The following SENP2 variants were observed in gnomAD, a reference collection of about 807,000 sequenced individuals.
The protein encoded by SENP2 is sentrin-specific protease 2.
Under a neutral mutation model 86.3 loss-of-function variants are expected in SENP2, and 16 were observed. The ratio of observed to expected loss-of-function variants is 0.19; its 90% CI spans 0.13 to 0.28. The LOEUF (loss-of-function observed/expected upper bound fraction) is 0.28. Among genes scored for constraint, SENP2 ranks in the 10% least tolerant of loss-of-function variants. SENP2 has a pLI of 1.00. For synonymous variants in SENP2, 222 were observed against 238.7 expected, an observed-to-expected ratio of 0.93 and a Z score of 0.64; for missense variants, 552 against 703.0, an observed-to-expected ratio of 0.79 and a Z score of 2.43.
chr3:185,589,295 T>G (rs1721901554), intron 1 of SENP2, among the ~76,000 whole-genome samples: 1 of 152,184 alleles, frequency 6.6e-6, no homozygotes, highest in Non-Finnish European at 1.5e-5. Flanking sequence ...AACAGTTTTT[T>G]TTAACTCCCT....
intron 2 of SENP2, among the ~76,000 whole-genome samples, chr3:185,590,901 CTTTTTTT>C (rs1158491597): frequency 1.4e-3 from 129 of 94,138 alleles, no homozygotes; most frequent in African/African-American, 5.4e-3. Context: ...AGAAAGTCTC[CTTTTTTT>C]TTTTTTTTTT....
chr3:185,595,263 C>T (rs2148982107), intron 2 of SENP2, among the ~76,000 whole-genome samples: 1 of 152,284 alleles, frequency 6.6e-6, no homozygotes, highest in South Asian at 2.1e-4. Flanking sequence ...CAAGAGGCTT[C>T]TTGTCCTCTA....
chr3:185,617,198 T>TG (rs1159509073), intron 11 of SENP2, among the ~76,000 whole-genome samples: 1 of 152,218 alleles, frequency 6.6e-6, no homozygotes, highest in African/African-American at 2.4e-5. Context: ...GCTGGTGCAG[T>TG]GGCTCATGCC....
At position 185,628,129 on chromosome 3, in the gene SENP2, T is replaced by TTTA. The variant is rs145966423; in HGVS notation, c.1708-1632_1708-1630dup. ...CCACCCCTAGGGAGGACATCACTAGTTTATTATTATTATTATTATTATTTT... is the reference window on the plus strand; with the variant it reads ...CCACCCCTAGGGAGGACATCACTAGTTTATTATTATTATTATTATTATTATTTT... On this transcript the variant is annotated intron_variant, in intron 16 of 16. Transcript: ENST00000296257. Among the ~76,000 whole-genome samples, 347 of 151,788 alleles carry TTTA rather than the reference T, an allele frequency of 2.3e-3. No homozygotes were observed. The East Asian group carries it at 0.025, about 11-fold the overall frequency.
At chr3:185,619,212 C>A in intron 12 of SENP2, 87 bp from the exon 13 acceptor site, 1 of 990,934 alleles carries the variant, frequency 1.0e-6, no homozygotes, top group Non-Finnish European at 1.6e-6. Context: ...AGTACCTTAC[C>A]TTCGAATTCA....
At chr3:185,609,495 G>A in intron 7 of SENP2, 145 bp downstream of exon 7, 2 of 594,592 alleles carry the variant, frequency 3.4e-6, no homozygotes, top group Non-Finnish European at 5.9e-6. Context: ...TATTTATCTA[G>A]TAATGGATAA....
At chr3:185,621,156 CAAAAAAAA>C (rs1206042436) in intron 13 of SENP2, among the ~76,000 whole-genome samples, 7 of 39,022 alleles carry the variant, frequency 1.8e-4, no homozygotes, top group African/African-American at 6.3e-4. Context: ...GATCTTGTCT[CAAAAAAAA>C]AAAAAAAAAA....
At chr3:185,589,074 A>ATT (rs11345567) in intron 1 of SENP2, among the ~76,000 whole-genome samples, 3 of 145,684 alleles carry the variant, frequency 2.1e-5, no homozygotes, top group East Asian at 2.0e-4. Flanking sequence ...CATTCTATTC[A>ATT]TTTTTTTTTT....
intron 10 of SENP2, among the ~76,000 whole-genome samples, chr3:185,613,905 TGCCTCTGTACAGTA>T (rs577757253): frequency 2.0e-3 from 302 of 152,130 alleles, no homozygotes; most frequent in Non-Finnish European, 2.9e-3. Flanking sequence ...GTTGGAGTTT[TGCCTCTGTACAGTA>T]GCCACCTTTG....
chr3:185,590,521 C>G (rs1040535727), intron 2 of SENP2, among the ~76,000 whole-genome samples: 1 of 150,664 alleles, frequency 6.6e-6, no homozygotes, highest in African/African-American at 2.4e-5. Flanking sequence ...GCACTTCAGC[C>G]TGGGGCGACA....
chr3:185,630,151 T>G lies in SENP2; in HGVS notation c.*307T>G, dbSNP rs1712349159. 1 of 276,474 alleles carries G rather than the reference T, an allele frequency of 3.6e-6. No homozygotes were observed. Among genetic ancestry groups the G allele is most frequent in the Admixed American group, 4.4e-5 (1 of 22,494 alleles). The allele number at this position is 276,474 out of a possible 1,614,324, so 17.1% of individuals were successfully genotyped here. On this transcript the variant is annotated 3_prime_UTR_variant, in exon 17 of 17. Coordinates refer to ENST00000296257, the MANE Select transcript of SENP2 (RefSeq NM_021627.3). ...CCTATGAATGTGGGAAATGCAGGAT[T>G]TATTCTGTGAATTGTTTGTTTCTGT...
intron 2 of SENP2, among the ~76,000 whole-genome samples, chr3:185,594,316 T>C (rs1722106141): frequency 6.6e-6 from 1 of 152,172 alleles, no homozygotes; most frequent in Admixed American, 6.6e-5. Context: ...AATGGCAAAT[T>C]GTAGAAGGGA....
At chr3:185,610,597 CAGTATGTTTAACGA>C (rs1475284334) in intron 7 of SENP2, among the ~76,000 whole-genome samples, 2 of 152,198 alleles carry the variant, frequency 1.3e-5, no homozygotes, top group African/African-American at 4.8e-5. Context: ...TTGGAAACAG[CAGTATGTTTAACGA>C]ACTCTTAACT....
intron 14 of SENP2, among the ~76,000 whole-genome samples, chr3:185,623,283 G>A (rs947135113): frequency 6.6e-6 from 1 of 151,962 alleles, no homozygotes; most frequent in African/African-American, 2.4e-5. Flanking sequence ...TGGTATTAAA[G>A]GCTTGTGCCA....
chr3:185,629,877 G>T lies in SENP2; in HGVS notation c.*33G>T. On this transcript the variant is annotated 3_prime_UTR_variant, in exon 17 of 17. Coordinates refer to ENST00000296257, the MANE Select transcript of SENP2 (RefSeq NM_021627.3). The stretch of plus-strand genomic sequence containing the variant: ...TTGCCTGGTCCCTCTAGCTGCTGGT[G>T]GTTCTTTCACAGACATTTCCATATA... 4 of 1,607,412 alleles carry T rather than the reference G, an allele frequency of 2.5e-6. No homozygotes were observed. The highest frequency in any genetic ancestry group is 3.4e-6 in the Non-Finnish European group (4 of 1,174,154).
At chr3:185,601,478 C>T (rs1280819781) in intron 5 of SENP2, among the ~76,000 whole-genome samples, 2 of 152,030 alleles carry the variant, frequency 1.3e-5, no homozygotes, top group African/African-American at 4.8e-5. Context: ...TATAAGTGTA[C>T]GTGGCCTGGT....
chr3:185,627,285 C>T (rs540145422), intron 16 of SENP2, among the ~76,000 whole-genome samples: 51 of 152,036 alleles, frequency 3.4e-4, no homozygotes, highest in Non-Finnish European at 5.6e-4. Flanking sequence ...TTATTTCTAG[C>T]CAAAGAAAGA....
intron 2 of SENP2, among the ~76,000 whole-genome samples, chr3:185,590,440 C>T (rs570742691): frequency 2.0e-5 from 3 of 151,496 alleles, no homozygotes; most frequent in African/African-American, 2.4e-5. Context: ...CCCAGCTACT[C>T]GGGAGGCTGA....
At position 185,617,566 on chromosome 3, in the gene SENP2, A is replaced by G. The variant is rs1270669961; in HGVS notation, c.1197A>G (p.Arg399=). ...LSSAFKLRIT[R]GDIQTLKNYH... is the part of the protein sequence containing the mutation. ...GTGCTTTCAAATTGCGAATTACTCG[A>G]GGAGATATTCAGACATTAAAGAACT... The change falls in exon 12 of 17, where the codon CGA becomes CGG. Residue 399 remains arginine (R), a synonymous_variant. Coordinates refer to ENST00000296257, the MANE Select transcript of SENP2 (RefSeq NM_021627.3). 1.9e-6 allele frequency: 3 copies of G among 1,613,756 alleles called. No homozygotes were observed. The highest frequency in any genetic ancestry group is 2.5e-6 in the Non-Finnish European group (3 of 1,179,686).
Sources: gnomAD v4.1 joint callset for allele counts (sites outside exome capture counted in the v4.1 genomes callset) on GRCh38, gnomAD v4.1.1 for gene constraint, MANE v1.5 for transcripts, NCBI Gene and HGNC (gene_info 2026-07-23, HGNC 2026-07-21) for gene names.